KCNN2: variants seen among roughly 807,000 people sequenced by gnomAD.
KCNN2 encodes the protein small conductance calcium-activated potassium channel protein 2.
In KCNN2, 24 loss-of-function variants were observed where a neutral mutation model predicts 55.5. That is an observed-to-expected ratio of 0.43 (90% CI 0.31 to 0.61). KCNN2 has a LOEUF of 0.61. Ranked by LOEUF, KCNN2 falls within the 20% of genes least tolerant of loss-of-function variation. KCNN2 has a pLI of 0.08. For synonymous variants in KCNN2, 431 were observed against 336.1 expected, an observed-to-expected ratio of 1.28 and a Z score of -3.09; for missense variants, 754 against 853.6, an observed-to-expected ratio of 0.88 and a Z score of 1.45.
chr5:114,062,713 G>A (rs906066724), intron 1 of KCNN2, among the ~76,000 whole-genome samples: 1 of 152,076 alleles, frequency 6.6e-6, no homozygotes, highest in Non-Finnish European at 1.5e-5. Flanking sequence ...CAATTCATGC[G>A]TTATTATACT....
At chr5:114,392,806 GT>G (rs70976343) in intron 2 of KCNN2, among the ~76,000 whole-genome samples, 18,299 of 140,432 alleles carry the variant, frequency 0.13, 1,274 homozygotes, top group African/African-American at 0.2. Context: ...TTTTTGTGGG[GT>G]TTTTTTTTTT....
chr5:114,244,530 G>A (rs1205918647), intron 2 of KCNN2, among the ~76,000 whole-genome samples: 1 of 151,898 alleles, frequency 6.6e-6, no homozygotes, highest in East Asian at 1.9e-4. Context: ...CCGGGAGGCG[G>A]AGGTTACAGC....
At chr5:114,270,674 A>T (rs1420877633) in intron 2 of KCNN2, among the ~76,000 whole-genome samples, 1 of 152,170 alleles carries the variant, frequency 6.6e-6, no homozygotes, top group African/African-American at 2.4e-5. Flanking sequence ...TTGGTGATTT[A>T]TGCTTGATAG....
chr5:114,191,077 T>A (rs1561516080), intron 1 of KCNN2, among the ~76,000 whole-genome samples: 1 of 152,200 alleles, frequency 6.6e-6, no homozygotes, highest in African/African-American at 2.4e-5. Flanking sequence ...TCTTTGAGTA[T>A]GAATATGTCA....
At chr5:114,166,127 T>C (rs1020640152) in intron 1 of KCNN2, among the ~76,000 whole-genome samples, 2 of 152,102 alleles carry the variant, frequency 1.3e-5, no homozygotes, top group African/African-American at 4.8e-5. Context: ...CCTGACCTCA[T>C]GAACCACCCT....
At chr5:114,078,712 A>T (rs1176634045) in intron 1 of KCNN2, among the ~76,000 whole-genome samples, 1 of 152,064 alleles carries the variant, frequency 6.6e-6, no homozygotes, top group Non-Finnish European at 1.5e-5. Flanking sequence ...ATATTTGGAG[A>T]CTGGTTTTGT....
At chr5:114,100,611 T>C (rs1350595396) in intron 1 of KCNN2, among the ~76,000 whole-genome samples, 1 of 152,096 alleles carries the variant, frequency 6.6e-6, no homozygotes, top group East Asian at 1.9e-4. Context: ...TGTGTATGTA[T>C]GTGCTCTGCC....
At chr5:114,129,173 A>G (rs1240138484) in intron 1 of KCNN2, among the ~76,000 whole-genome samples, 2 of 152,158 alleles carry the variant, frequency 1.3e-5, no homozygotes, top group Non-Finnish European at 2.9e-5. Flanking sequence ...AGGAATGAGG[A>G]AGATAGGTTC....
At chr5:114,211,653 G>A (rs887488322) in intron 1 of KCNN2, among the ~76,000 whole-genome samples, 3 of 151,948 alleles carry the variant, frequency 2.0e-5, no homozygotes, top group East Asian at 1.9e-4. Context: ...TACCAAAACC[G>A]ATGGCACGAG....
intron 1 of KCNN2, among the ~76,000 whole-genome samples, chr5:114,146,819 A>G (rs6867054): frequency 0.31 from 46,659 of 152,106 alleles, 7,797 homozygotes; most frequent in Non-Finnish European, 0.38. Flanking sequence ...AAACTAGAAT[A>G]TCAACTTTAT....
chr5:114,129,585 T>C (rs527977861), intron 1 of KCNN2, among the ~76,000 whole-genome samples: 1 of 152,342 alleles, frequency 6.6e-6, no homozygotes, highest in South Asian at 2.1e-4. Flanking sequence ...AACTCTTCTG[T>C]AACTTCAGCT....
chr5:114,403,182 G>A (rs964213461), intron 2 of KCNN2, among the ~76,000 whole-genome samples: 10 of 152,130 alleles, frequency 6.6e-5, no homozygotes, highest in African/African-American at 2.4e-4. Flanking sequence ...AACTCAGCTG[G>A]GACTTTGCCA....
intron 1 of KCNN2, among the ~76,000 whole-genome samples, chr5:114,182,906 T>C (rs1160713423): frequency 6.6e-6 from 1 of 152,102 alleles, no homozygotes; most frequent in Non-Finnish European, 1.5e-5. Flanking sequence ...CAATGTTGAA[T>C]AGAAGTTTTG....
intron 2 of KCNN2, among the ~76,000 whole-genome samples, chr5:114,322,804 CT>C (rs1291693210): frequency 6.6e-6 from 1 of 152,066 alleles, no homozygotes; most frequent in Admixed American, 6.6e-5. Context: ...ACATAAAATG[CT>C]TCTTTTTTAA....
chr5:114,357,246 A>G (rs1757311613), upstream of KCNN2, among the ~76,000 whole-genome samples: 2 of 152,154 alleles, frequency 1.3e-5, no homozygotes, highest in East Asian at 3.9e-4. Context: ...GAACAATGGC[A>G]TAATAGAAAT....
chr5:114,224,925 A>G (rs1754210892), intron 2 of KCNN2, among the ~76,000 whole-genome samples: 1 of 152,122 alleles, frequency 6.6e-6, no homozygotes, highest in South Asian at 2.1e-4. Context: ...AGTTTCTTAT[A>G]GATTCTAGAT....
At chr5:114,358,747 C>T (rs940512630), upstream of KCNN2, among the ~76,000 whole-genome samples, 2 of 152,058 alleles carry the variant, frequency 1.3e-5, no homozygotes, top group Admixed American at 6.5e-5. Context: ...AACTACTATC[C>T]ACGTGGAAGA....
chr5:114,317,461 A>G (rs911673509), intron 2 of KCNN2, among the ~76,000 whole-genome samples: 8 of 152,348 alleles, frequency 5.3e-5, no homozygotes, highest in African/African-American at 1.9e-4. Flanking sequence ...TTCATTGTTT[A>G]AAGTGTGCAA....
intron 2 of KCNN2, among the ~76,000 whole-genome samples, chr5:114,367,579 A>T (rs1000981061): frequency 2.0e-5 from 3 of 152,072 alleles, no homozygotes; most frequent in African/African-American, 4.8e-5. Context: ...CTTGATATTA[A>T]GTAAGTAGCC....
Sources: allele counts gnomAD v4.1 joint callset (sites outside exome capture counted in the v4.1 genomes callset), GRCh38; gene constraint gnomAD v4.1.1; transcripts MANE v1.5; gene names NCBI Gene and HGNC (gene_info 2026-07-23, HGNC 2026-07-21).